The following MYOF variants were observed in gnomAD, a reference collection of about 807,000 sequenced individuals.
The protein encoded by MYOF is myoferlin, also known as fer-1-like 3, myoferlin.
Under a neutral mutation model 284.2 loss-of-function variants are expected in MYOF, and 244 were observed. The ratio of observed to expected loss-of-function variants is 0.86; its 90% CI spans 0.77 to 0.95. The LOEUF (loss-of-function observed/expected upper bound fraction) is 0.95. MYOF is among the 40% of genes least tolerant of loss of function. The pLI, the probability that MYOF is intolerant of heterozygous loss-of-function variation, is 0.00. For missense variants in MYOF, 2,496 were observed against 2,560.6 expected (o/e 0.97, Z 0.54); for synonymous variants, 904 against 919.7 (o/e 0.98, Z 0.31).
chr10:93,450,360 C>A (rs2056556421), intron 3 of MYOF, among the ~76,000 whole-genome samples: 1 of 152,164 alleles, frequency 6.6e-6, no homozygotes, highest in Admixed American at 6.5e-5. Flanking sequence ...CCACTGCACT[C>A]CAGCCTGGGC....
Position 93,409,558 on chromosome 10 carries a change from C to G in MYOF, c.600+15G>C. On this transcript the variant is annotated intron_variant, in intron 6 of 53. Transcript: ENST00000359263. ...AAAGATTAAACAAAGAAGCAGAACGCCAGGCCGTTGCTACCTGGAAGTCCT... is the reference window on the plus strand; with the variant it reads ...AAAGATTAAACAAAGAAGCAGAACGGCAGGCCGTTGCTACCTGGAAGTCCT... 2 of 1,610,060 alleles carry G rather than the reference C, an allele frequency of 1.2e-6. No homozygotes were observed. The highest frequency in any genetic ancestry group is 8.5e-7 in the Non-Finnish European group (1 of 1,178,748).
In MYOF at chr10:93,316,678, G is replaced by A. The variant is rs529538183; in HGVS notation, c.5698+36C>T. The A allele has an allele frequency of 7.8e-6, 12 of 1,538,850 alleles. No individual in the cohort carries two copies. In the African/African-American group the frequency reaches 8.2e-5, roughly 11 times the overall value. ...ATTGACCCCACTAATTCCAAGTACA[G>A]TTTCTTAGAAACAATGATCCAAATG... On this transcript the variant is annotated intron_variant, in intron 50 of 53. Transcript: ENST00000359263.
chr10:93,407,293 G>A (rs1178533330), intron 7 of MYOF, among the ~76,000 whole-genome samples: 1 of 151,846 alleles, frequency 6.6e-6, no homozygotes, highest in African/African-American at 2.4e-5. Context: ...GAGCGTGGTG[G>A]TGTGTGCCTG....
At chr10:93,347,923 G>T in intron 36 of MYOF, 141 bp from the exon 37 acceptor site, 2 of 826,940 alleles carry the variant, frequency 2.4e-6, no homozygotes, top group Non-Finnish European at 3.6e-6. Context: ...CATGTGCCAG[G>T]CAAGGAGCTC....
At chr10:93,362,710 G>GA (rs1845133944) in intron 27 of MYOF, among the ~76,000 whole-genome samples, 2 of 152,070 alleles carry the variant, frequency 1.3e-5, no homozygotes, top group African/African-American at 4.8e-5. Context: ...CCATAAACAT[G>GA]AAAAAATACT....
rs1289806208 is a variant in MYOF at position 93,452,042 on chromosome 10, C to A, written c.236+8G>T. The A allele has an allele frequency of 1.3e-5, 21 of 1,590,292 alleles. No homozygotes were observed. Among genetic ancestry groups the A allele is most frequent in the Admixed American group, 1.8e-5 (1 of 55,364 alleles). On this transcript the variant is annotated splice_region_variant and intron_variant, in intron 3 of 53. Coordinates refer to ENST00000359263, the MANE Select transcript of MYOF (RefSeq NM_013451.4). ...CTAAAATGAGAAAAACAGGTGAAAACAACTTACTTATTTTGTCCAATTGTC... is the reference window on the plus strand; with the variant it reads ...CTAAAATGAGAAAAACAGGTGAAAAAAACTTACTTATTTTGTCCAATTGTC...
At chr10:93,435,939 CT>C (rs1007366021) in intron 3 of MYOF, among the ~76,000 whole-genome samples, 148 of 148,734 alleles carry the variant, frequency 1.0e-3, no homozygotes, top group African/African-American at 3.4e-3. Context: ...TATTTTCTCT[CT>C]TTTTTTTTTT....
At chr10:93,338,458 A>G in intron 39 of MYOF, 2 of 456,984 alleles carry the variant, frequency 4.4e-6, no homozygotes, top group Admixed American at 2.3e-5. Context: ...CTGAGCATCA[A>G]TTTCTTCATC....
intron 14 of MYOF, 41 bp downstream of exon 14, chr10:93,397,347 G>C (rs200356986): frequency 1.3e-5 from 20 of 1,592,634 alleles, no homozygotes; most frequent in Non-Finnish European, 1.6e-5. Context: ...TAATTATTAA[G>C]TAAGTATTCT....
At chr10:93,388,867 G>A (rs1222942947) in intron 18 of MYOF, among the ~76,000 whole-genome samples, 163 bp downstream of exon 18, 2 of 152,210 alleles carry the variant, frequency 1.3e-5, no homozygotes, top group Admixed American at 1.3e-4. Context: ...TTGGCCATTG[G>A]CCATCCCCCA....
intron 18 of MYOF, among the ~76,000 whole-genome samples, chr10:93,388,712 G>A (rs1846521469): frequency 6.6e-6 from 1 of 152,184 alleles, no homozygotes; most frequent in Admixed American, 6.5e-5. Flanking sequence ...GGGTTTCAGG[G>A]TGCATGCCAC....
chr10:93,416,427 G>A (rs895371299), intron 5 of MYOF, among the ~76,000 whole-genome samples: 1 of 152,006 alleles, frequency 6.6e-6, no homozygotes, highest in Non-Finnish European at 1.5e-5. Context: ...GGGAGGCTGA[G>A]GCAGGAGAAT....
At position 93,374,812 on chromosome 10, in the gene MYOF, A is replaced by G. The variant is rs1845759972; in HGVS notation, c.2252T>C (p.Leu751Pro). Residue 751 changes from leucine (L) to proline (P), a missense_variant, in exon 23 of 54, where the codon CTG becomes CCG. By Grantham distance (98) the Leu-to-Pro change is moderately conservative (BLOSUM62 -3). This residue lies in a region of MYOF where 2,436 missense variants were observed against 2,480.7 expected (regional missense o/e 0.98). Transcript: ENST00000359263. ...RSEATDVKST[L>P]AEIEDWLDKL... ...ATCAAGCCAGTCCTCAATTTCTGCC[A>G]GTGTGGACTTCACATCTGTGGCTTC... 4.3e-6 allele frequency: 7 copies of G among 1,614,076 alleles called. No individual in the cohort carries two copies. Among genetic ancestry groups the G allele is most frequent in the Non-Finnish European group, 5.9e-6 (7 of 1,180,032 alleles).
chr10:93,361,527 A>C lies in MYOF; in HGVS notation c.2899T>G (p.Leu967Val), dbSNP rs766673403. The C allele has an allele frequency of 1.9e-6, 3 of 1,614,200 alleles. No individual in the cohort carries two copies. The highest frequency in any genetic ancestry group is 2.5e-6 in the Non-Finnish European group (3 of 1,180,020). Residue 967 changes from leucine to valine, a missense_variant, in exon 28 of 54, where the codon TTG becomes GTG. Around this residue, in one of 3 missense-constraint regions of MYOF, gnomAD observed 2,436 missense variants for 2,480.7 expected, o/e 0.98. Transcript: ENST00000359263. ...NGDKAASPSE[L>V]TCPPGWEWED... is the part of the protein sequence containing the mutation. ...CATTCCCAACCTGGAGGACAAGTCA[A>C]CTCGCTGGGTGATGCTGCTTTATCG... is the stretch of plus-strand genomic sequence containing the variant.
rs1051857983 is a variant in MYOF at position 93,318,570 on chromosome 10, C to T, written c.5598+1302G>A. Among the ~76,000 whole-genome samples, 4 of 152,058 alleles carry T rather than the reference C, an allele frequency of 2.6e-5. No homozygotes were observed. In the East Asian group the frequency reaches 7.7e-4, roughly 29 times the overall value. ...GGTCAGGAGTTCAAGACCAGCCTGA[C>T]CAACACGGAGAAACCCCGTCTCTAC... On this transcript the variant is annotated intron_variant, in intron 49 of 53. Transcript: ENST00000359263.
At chr10:93,467,431 C>T (rs2057036503) in intron 1 of MYOF, among the ~76,000 whole-genome samples, 2 of 150,360 alleles carry the variant, frequency 1.3e-5, no homozygotes, top group South Asian at 2.1e-4. Context: ...GTTTTTTTGT[C>T]CTTGCGATAG....
chr10:93,335,429 G>A (rs1329270483), intron 41 of MYOF, among the ~76,000 whole-genome samples: 1 of 152,168 alleles, frequency 6.6e-6, no homozygotes, highest in African/African-American at 2.4e-5. Context: ...ATCAGATTTG[G>A]TTGCATGGAG....
In MYOF at chr10:93,404,192, G is replaced by C. The variant is rs1847436953; in HGVS notation, c.757C>G (p.Pro253Ala). The C allele has an allele frequency of 5.0e-6, 8 of 1,614,124 alleles. No individual in the cohort carries two copies. In the East Asian group the frequency reaches 1.6e-4, roughly 31 times the overall value. Reference protein sequence around the residue: ...ELFFYNVNMTPSELMDEIISI... With the variant: ...ELFFYNVNMTASELMDEIISI... ...ATGATCTCATCCATCAATTCAGAAGGGGTCATGTTGACATTGTAGAAAAAC... is the reference window on the plus strand; with the variant it reads ...ATGATCTCATCCATCAATTCAGAAGCGGTCATGTTGACATTGTAGAAAAAC... The change falls in exon 8 of 54, where the codon CCT becomes GCT. Residue 253 changes from proline to alanine, a missense_variant. This residue lies in a region of MYOF where 2,436 missense variants were observed against 2,480.7 expected (regional missense o/e 0.98). Transcript: ENST00000359263.
chr10:93,394,450 T>C (rs146133937), intron 16 of MYOF, among the ~76,000 whole-genome samples: 61 of 54,900 alleles, frequency 1.1e-3, no homozygotes, highest in Middle Eastern at 0.017. Flanking sequence ...CATCTTGTCT[T>C]TTTTTTTTTT....
Sources: allele counts gnomAD v4.1 joint callset (sites outside exome capture counted in the v4.1 genomes callset), GRCh38; gene constraint gnomAD v4.1.1; regional missense constraint gnomAD v4.1.1; transcripts MANE v1.5; gene names NCBI Gene and HGNC (gene_info 2026-07-23, HGNC 2026-07-21).